The following ITPR1 variants were observed in gnomAD, a reference collection of about 807,000 sequenced individuals.
ITPR1 encodes the protein inositol 1,4,5-trisphosphate-gated calcium channel ITPR1.
ITPR1 carries 96 observed loss-of-function variants against 318.4 expected under a neutral mutation model. The ratio of observed to expected loss-of-function variants is 0.30; its 90% confidence interval spans 0.26 to 0.36. The LOEUF is 0.36. Among genes scored for constraint, ITPR1 ranks in the 10% least tolerant of loss-of-function variants. The probability of loss-of-function intolerance (pLI) is 1.00; values close to 1 mark genes in which losing one functional copy is unlikely to be tolerated. For synonymous variants in ITPR1, 1,312 were observed against 1,289.9 expected (o/e 1.02, Z -0.37); for missense variants, 2,440 against 3,460.2 (o/e 0.71, Z 7.40).
At chr3:4,772,084 C>T (rs1432171248) in intron 46 of ITPR1, among the ~76,000 whole-genome samples, 1 of 152,208 alleles carries the variant, frequency 6.6e-6, no homozygotes, top group East Asian at 1.9e-4. Flanking sequence ...TGGTGACTTG[C>T]CTCCAATAAA....
At chr3:4,824,569 GGC>G (rs1379172014) in intron 60 of ITPR1, among the ~76,000 whole-genome samples, 1 of 152,100 alleles carries the variant, frequency 6.6e-6, no homozygotes, top group Non-Finnish European at 1.5e-5. Flanking sequence ...GGTTTGGACT[GGC>G]GCATCTTAGA....
At chr3:4,554,060 T>A (rs1165056627) in intron 4 of ITPR1, among the ~76,000 whole-genome samples, 4 of 152,214 alleles carry the variant, frequency 2.6e-5, no homozygotes, top group African/African-American at 9.6e-5. Flanking sequence ...TATTATTAAT[T>A]TTAAAAAGAA....
At chr3:4,726,540 C>CT in intron 41 of ITPR1, among the ~76,000 whole-genome samples, 1 of 152,294 alleles carries the variant, frequency 6.6e-6, no homozygotes, top group East Asian at 1.9e-4. Flanking sequence ...TGAAAGAAGA[C>CT]TTAAAAATGA....
chr3:4,828,063 T>A (rs1345261918), intron 60 of ITPR1, among the ~76,000 whole-genome samples: 2 of 152,172 alleles, frequency 1.3e-5, no homozygotes, highest in Non-Finnish European at 2.9e-5. Context: ...GCCCATCAGA[T>A]GATAAAGCTG....
At position 4,544,457 on chromosome 3, in the gene ITPR1, G is replaced by C. The variant is rs147519334; in HGVS notation, c.163+23363G>C. ...CTGATGCCAGTATTCACCATAAATA[G>C]TATGAGTGTTAGTGACAGCAGAGGC... On this transcript the variant is annotated intron_variant, in intron 4 of 61. Coordinates refer to ENST00000649015, the MANE Select transcript of ITPR1 (RefSeq NM_001378452.1). 7.2e-4 allele frequency among the ~76,000 whole-genome samples: 109 copies of C among 152,362 alleles called. 1 individual carries two copies. Among genetic ancestry groups the C allele is most frequent in the African/African-American group, 2.6e-3 (108 of 41,586 alleles).
At chr3:4,625,973 G>A (rs1231464607) in intron 4 of ITPR1, among the ~76,000 whole-genome samples, 1 of 152,130 alleles carries the variant, frequency 6.6e-6, no homozygotes, top group Non-Finnish European at 1.5e-5. Flanking sequence ...GTAGTTATTG[G>A]TTTGTTGATG....
chr3:4,570,454 A>G (rs1466191097), intron 4 of ITPR1, among the ~76,000 whole-genome samples: 1 of 152,246 alleles, frequency 6.6e-6, no homozygotes, highest in African/African-American at 2.4e-5. Context: ...TTGAAGATGA[A>G]TGATGTTTTT....
In ITPR1 at chr3:4,663,194, T is replaced by A; in HGVS notation, c.1542T>A (p.Asn514Lys). 1 of 1,612,570 alleles carries A rather than the reference T, an allele frequency of 6.2e-7. No individual in the cohort carries two copies. The highest frequency in any genetic ancestry group is 8.5e-7 in the Non-Finnish European group (1 of 1,179,084). ...GGCAGAAACTGATGAGAGAACAGAA[T>A]ATTCTCAAGCAGGTCGGTGAGATGT... ...RERQKLMREQ[N>K]ILKQIFKLLQ... is the part of the protein sequence containing the mutation. The change falls in exon 16 of 62, where the codon AAT becomes AAA. Residue 514 changes from asparagine to lysine, a missense_variant. Coordinates refer to ENST00000649015, the MANE Select transcript of ITPR1 (RefSeq NM_001378452.1).
chr3:4,692,052 G>T (rs2094488115), intron 32 of ITPR1, among the ~76,000 whole-genome samples: 4 of 151,568 alleles, frequency 2.6e-5, no homozygotes, highest in Non-Finnish European at 5.9e-5. Context: ...TACAGAGGAA[G>T]ATCCCTTGAG....
chr3:4,694,430 TATATC>T (rs969638659), intron 33 of ITPR1, among the ~76,000 whole-genome samples: 9 of 109,628 alleles, frequency 8.2e-5, no homozygotes, highest in East Asian at 7.8e-4. Flanking sequence ...ATATATGACA[TATATC>T]ATATAATGTT....
chr3:4,788,126 G>A lies in ITPR1; in HGVS notation c.6795G>A (p.Gln2265=). The A allele has an allele frequency of 1.9e-6, 3 of 1,601,700 alleles. No individual in the cohort carries two copies. The highest frequency in any genetic ancestry group is 2.6e-6 in the Non-Finnish European group (3 of 1,173,862). ...ACCTCTTCAATGAAATGAATTGGCA[G>A]AAGAAACTGAGAGGTGGGTTCCAAC... The part of the protein sequence containing the change: ...SEDLFNEMNW[Q]KKLRAQPVLY... Residue 2265 remains glutamine, a synonymous_variant, in exon 52 of 62, where the codon CAG becomes CAA. Coordinates refer to ENST00000649015, the MANE Select transcript of ITPR1 (RefSeq NM_001378452.1).
chr3:4,683,330 C>T lies in ITPR1; in HGVS notation c.3162-56C>T, dbSNP rs975411952. 392 of 1,583,342 alleles carry T rather than the reference C, an allele frequency of 2.5e-4. 3 individuals are homozygous for T. Among genetic ancestry groups the T allele is most frequent in the Admixed American group, 1.3e-3 (80 of 59,962 alleles). ...GTTAGGTGCATCTGGGCCCAAGGGG[C>T]GTGAGAGGAGGCATTTGTCATTCAT... On this transcript the variant is annotated intron_variant, in intron 26 of 61. Transcript: ENST00000649015.
chr3:4,766,436 A>G (rs1407783016), intron 44 of ITPR1, 94 bp from the exon 45 acceptor site: 14 of 1,025,484 alleles, frequency 1.4e-5, no homozygotes, highest in Admixed American at 6.2e-5. Context: ...AGGTTTTGCA[A>G]CTGGCTCTGA....
In ITPR1 at chr3:4,642,173, C is replaced by T. The variant is rs2093352778; in HGVS notation, c.447C>T (p.Val149=). ...TGTTGGAGAAGAATGCCATGAGAGTCACATTGGACGAGGCTGGAAATGAAG... is the reference window on the plus strand; with the variant it reads ...TGTTGGAGAAGAATGCCATGAGAGTTACATTGGACGAGGCTGGAAATGAAG... ...PALLEKNAMR[V]TLDEAGNEGS... The change falls in exon 7 of 62, where the codon GTC becomes GTT. Residue 149 remains valine (V), a synonymous_variant. Transcript: ENST00000649015. 6.8e-6 allele frequency: 11 copies of T among 1,608,972 alleles called. No individual in the cohort carries two copies. The highest frequency in any genetic ancestry group is 9.3e-6 in the Non-Finnish European group (11 of 1,177,190).
At position 4,735,651 on chromosome 3, in the gene ITPR1, G is replaced by C. The variant is rs1394657799; in HGVS notation, c.5544+297G>C. On this transcript the variant is annotated intron_variant, in intron 44 of 61. Transcript: ENST00000649015. ...AGTGGGCACTCCATAAATGTTTGTT[G>C]AATAAGTAAATGATTGCATGAAGTT... 1.4e-5 allele frequency: 5 copies of C among 354,168 alleles called. No individual in the cohort carries two copies. In the East Asian group the frequency reaches 1.5e-4, roughly 11 times the overall value. 21.9% of individuals were successfully genotyped at this position (354,168 alleles called of 1,614,324 possible).
chr3:4,739,214 C>A (rs138319342), intron 44 of ITPR1, among the ~76,000 whole-genome samples: 1 of 152,306 alleles, frequency 6.6e-6, no homozygotes, highest in Non-Finnish European at 1.5e-5. Context: ...GTGAGCCTGA[C>A]TTGGGCTAAG....
chr3:4,820,910 G>A (rs1043382006), intron 60 of ITPR1, among the ~76,000 whole-genome samples: 1 of 152,194 alleles, frequency 6.6e-6, no homozygotes, highest in African/African-American at 2.4e-5. Context: ...GGGGGCTGGG[G>A]CCCCATGGGA....
At chr3:4,827,631 A>G (rs1016586092) in intron 60 of ITPR1, among the ~76,000 whole-genome samples, 5 of 152,206 alleles carry the variant, frequency 3.3e-5, no homozygotes, top group South Asian at 4.1e-4. Context: ...CTATAAAATG[A>G]GGAAGTTGAA....
intron 4 of ITPR1, among the ~76,000 whole-genome samples, chr3:4,577,527 G>T (rs2088818369): frequency 6.6e-6 from 1 of 152,148 alleles, no homozygotes; most frequent in African/African-American, 2.4e-5. Flanking sequence ...CCTAAATTGA[G>T]ATCAGGTTGG....
Sources: allele counts gnomAD v4.1 joint callset (sites outside exome capture counted in the v4.1 genomes callset), GRCh38; gene constraint gnomAD v4.1.1; transcripts MANE v1.5; gene names NCBI Gene and HGNC (gene_info 2026-07-23, HGNC 2026-07-21).